CNOT1: variants seen among roughly 807,000 people sequenced by gnomAD.
CNOT1 encodes the protein CCR4-associated factor 1.
In CNOT1, 15 loss-of-function variants were observed where a neutral mutation model predicts 273.8. The ratio of observed to expected loss-of-function variants is 0.05; its 90% CI spans 0.04 to 0.08. The LOEUF is 0.08. Ranked by LOEUF, CNOT1 falls within the 10% of genes least tolerant of loss-of-function variation. CNOT1 has a pLI of 1.00. For synonymous variants in CNOT1, 1,022 were observed against 1,005.5 expected (o/e 1.02, Z -0.31); for missense variants, 1,644 against 2,912.2 (o/e 0.56, Z 10.02).
chr16:58,573,824 G>A (rs536323296), intron 16 of CNOT1, among the ~76,000 whole-genome samples: 23 of 151,972 alleles, frequency 1.5e-4, no homozygotes, highest in Middle Eastern at 3.4e-3. Flanking sequence ...TCAAGGAACC[G>A]AGAAGAGCTG....
At chr16:58,567,502 T>C (rs1285181192) in intron 16 of CNOT1, among the ~76,000 whole-genome samples, 2 of 129,030 alleles carry the variant, frequency 1.6e-5, no homozygotes, top group African/African-American at 5.8e-5. Context: ...TAGGCATGCA[T>C]GGTAGCATAT....
chr16:58,533,940 G>A (rs1334894786), intron 40 of CNOT1, among the ~76,000 whole-genome samples: 1 of 151,822 alleles, frequency 6.6e-6, no homozygotes, highest in African/African-American at 2.4e-5. Context: ...GACCAGCTTG[G>A]GCAACATGGT....
In CNOT1 at chr16:58,537,799, T is replaced by C. The variant is rs2039970147; in HGVS notation, c.5414+92A>G. 2.1e-5 allele frequency: 32 copies of C among 1,520,278 alleles called. No individual in the cohort carries two copies. In the South Asian group the frequency reaches 3.8e-4, roughly 18 times the overall value. The allele number at this position is 1,520,278 out of a possible 1,614,324, so 94.2% of individuals were successfully genotyped here. On this transcript the variant is annotated intron_variant, in intron 38 of 48. Coordinates refer to ENST00000317147, the MANE Select transcript of CNOT1 (RefSeq NM_016284.5). ...CCATATGTGGTTGGTAAAGCAGTTA[T>C]AACAAGTAATGTTAGTAAGTCTGCA...
rs930637832 is a variant in CNOT1, at chr16:58,614,242, C to T, written c.-174-14731G>A. Among the ~76,000 whole-genome samples, 4 of 124,350 alleles carry T rather than the reference C, an allele frequency of 3.2e-5. 1 individual carries two copies. Among genetic ancestry groups the T allele is most frequent in the Admixed American group, 1.6e-4 (2 of 12,512 alleles). 81.6% of individuals were successfully genotyped at this position (124,350 alleles called of 152,430 possible). A position where few individuals can be genotyped will look rare whatever the true frequency, so the allele number is the denominator to read the frequency against. ...TAGAAGAGAGGTAACATAGATGGCC[C>T]GAGCCTGCTGTCCTTAGAAAGGCTT... On this transcript the variant is annotated intron_variant, in intron 1 of 48. Transcript: ENST00000317147.
chr16:58,587,820 G>T lies in CNOT1; in HGVS notation c.269C>A (p.Thr90Lys). Residue 90 changes from threonine (T) to lysine (K), a missense_variant, in exon 4 of 49, where the codon ACG becomes AAG. By Grantham distance (78) the Thr-to-Lys change is moderately conservative. Transcript: ENST00000317147. ...LLITKPNFIS[T>K]LSYAIDNPLH... ...TGGATTATCAATGGCATAGGACAGCGTCGAGATAAAATTTGGCTTTGTAAT... is the reference window on the plus strand; with the variant it reads ...TGGATTATCAATGGCATAGGACAGCTTCGAGATAAAATTTGGCTTTGTAAT... 1 of 1,613,858 alleles carries T rather than the reference G, an allele frequency of 6.2e-7. No homozygotes were observed. Among genetic ancestry groups the T allele is most frequent in the Non-Finnish European group, 8.5e-7 (1 of 1,180,004 alleles).
At chr16:58,542,707 T>A in intron 31 of CNOT1, 139 bp from the exon 32 acceptor site, 1 of 1,312,364 alleles carries the variant, frequency 7.6e-7, no homozygotes, top group Non-Finnish European at 1.0e-6. Flanking sequence ...ATGAACAAGC[T>A]GTGATCTTGA....
At position 58,555,826 on chromosome 16, in the gene CNOT1, T is replaced by G. The variant is rs1162390714; in HGVS notation, c.2562A>C (p.Arg854=). 3 of 1,613,968 alleles carry G rather than the reference T, an allele frequency of 1.9e-6. No individual in the cohort carries two copies. The East Asian group carries it at 6.7e-5, about 36-fold the overall frequency. The stretch of plus-strand genomic sequence containing the variant: ...TTGGATGTGGTGGATGATTATATAT[T>G]CGCTGGAAATAGCTGTTTGCTTCAT... ...IDDEANSYFQ[R]IYNHPPHPTM... The change falls in exon 20 of 49, where the codon CGA becomes CGC. Residue 854 remains arginine (R), a synonymous_variant. Transcript: ENST00000317147.
At chr16:58,577,481 C>T (rs891563398) in intron 13 of CNOT1, among the ~76,000 whole-genome samples, 3 of 152,088 alleles carry the variant, frequency 2.0e-5, no homozygotes, top group African/African-American at 7.2e-5. Flanking sequence ...TAACATTTTT[C>T]ACTTATAATA....
intron 2 of CNOT1, among the ~76,000 whole-genome samples, chr16:58,593,325 C>G (rs2042129696): frequency 6.6e-6 from 1 of 151,988 alleles, no homozygotes; most frequent in Non-Finnish European, 1.5e-5. Flanking sequence ...TTTGGGAGGC[C>G]AAGGCAGGCA....
rs56180546 is a variant in CNOT1 at position 58,554,935 on chromosome 16, CAA to C, written c.2891+314_2891+315del. 5.6e-4 allele frequency among the ~76,000 whole-genome samples: 44 copies of C among 78,894 alleles called. 1 individual carries two copies. Among genetic ancestry groups the C allele is most frequent in the Middle Eastern group, 8.2e-3 (1 of 122 alleles). 51.8% of individuals were successfully genotyped at this position (78,894 alleles called of 152,430 possible). On this transcript the variant is annotated intron_variant, in intron 21 of 48. Coordinates refer to ENST00000317147, the MANE Select transcript of CNOT1 (RefSeq NM_016284.5). ...TGGGGGACAGAGCAAGACTCCATCT[CAA>C]AAAAAAAAAAAAAAAAGCTTCAGGC... is the stretch of plus-strand genomic sequence containing the variant.
At chr16:58,536,625 A>AT (rs35237265) in intron 39 of CNOT1, among the ~76,000 whole-genome samples, 58,889 of 151,064 alleles carry the variant, frequency 0.39, 12,759 homozygotes, top group African/African-American at 0.59. Context: ...TTGTTTTGTC[A>AT]TTTTTTTTTA....
intron 1 of CNOT1, among the ~76,000 whole-genome samples, chr16:58,619,779 T>C (rs2043240454): frequency 6.6e-6 from 1 of 152,042 alleles, no homozygotes; most frequent in Non-Finnish European, 1.5e-5. Context: ...TTTCTAGTCG[T>C]CCAAAAAACT....
chr16:58,589,202 G>A (rs1404658669), intron 2 of CNOT1, among the ~76,000 whole-genome samples: 1 of 152,118 alleles, frequency 6.6e-6, no homozygotes, highest in East Asian at 1.9e-4. Flanking sequence ...GCTTCCAGCT[G>A]TAATTCAATA....
chr16:58,548,029 A>G (rs2040317754), intron 25 of CNOT1, among the ~76,000 whole-genome samples: 1 of 152,198 alleles, frequency 6.6e-6, no homozygotes, highest in Non-Finnish European at 1.5e-5. Flanking sequence ...GCAGAGACCT[A>G]ACTACAAAGC....
chr16:58,627,144 C>T (rs1474454946), intron 1 of CNOT1, among the ~76,000 whole-genome samples: 2 of 152,006 alleles, frequency 1.3e-5, no homozygotes, highest in Admixed American at 1.3e-4. Flanking sequence ...CACCGTGGCT[C>T]ACGTCTGTAA....
At chr16:58,576,102 C>A (rs548687358) in intron 14 of CNOT1, among the ~76,000 whole-genome samples, 1 of 151,802 alleles carries the variant, frequency 6.6e-6, no homozygotes, top group South Asian at 2.1e-4. Context: ...TAAGCATTTA[C>A]TTTTTTTCCT....
intron 30 of CNOT1, among the ~76,000 whole-genome samples, chr16:58,544,991 G>A (rs2040210977): frequency 1.3e-5 from 2 of 152,166 alleles, no homozygotes; most frequent in South Asian, 4.1e-4. Context: ...GCCTTCAGGT[G>A]GAAGAAATGG....
intron 11 of CNOT1, 112 bp from the exon 12 acceptor site, chr16:58,580,872 C>T (rs1232505980): frequency 3.9e-6 from 4 of 1,035,626 alleles, no homozygotes; most frequent in East Asian, 2.8e-5. Flanking sequence ...GGCAATTTCC[C>T]GTTTAAAATC....
chr16:58,538,085 G>A, intron 37 of CNOT1, 25 bp from the exon 38 acceptor site: 1 of 1,614,146 alleles, frequency 6.2e-7, no homozygotes, highest in East Asian at 2.2e-5. Flanking sequence ...AACATAATGT[G>A]AGAGGGAAAA....
Sources: gnomAD v4.1 joint callset for allele counts (sites outside exome capture counted in the v4.1 genomes callset) on GRCh38, gnomAD v4.1.1 for gene constraint, MANE v1.5 for transcripts, NCBI Gene and HGNC (gene_info 2026-07-23, HGNC 2026-07-21) for gene names.